Variants in GRM8 observed in about 807,000 individuals in gnomAD.
GRM8 encodes the protein glutamate metabotropic receptor 8, also known as metabotropic glutamate receptor 8.
GRM8 carries 47 observed loss-of-function variants against 87.2 expected under a neutral mutation model. The observed-to-expected ratio is 0.54, with a 90% CI of 0.43 to 0.69. The LOEUF (loss-of-function observed/expected upper bound fraction) is 0.69. Among genes scored for constraint, GRM8 ranks in the 30% least tolerant of loss-of-function variants. The pLI is 0.00. For missense variants in GRM8, 1,019 were observed against 1,139.2 expected, an observed-to-expected ratio of 0.89 and a Z score of 1.52; for synonymous variants, 396 against 404.5, an observed-to-expected ratio of 0.98 and a Z score of 0.25.
intron 8 of GRM8, among the ~76,000 whole-genome samples, chr7:126,574,354 G>A (rs1370943095): frequency 6.6e-6 from 1 of 152,202 alleles, no homozygotes; most frequent in Non-Finnish European, 1.5e-5. Flanking sequence ...ACAGCTCTTA[G>A]ATAACCTTAG....
At chr7:126,995,651 T>C (rs1003349029) in intron 3 of GRM8, among the ~76,000 whole-genome samples, 3 of 152,088 alleles carry the variant, frequency 2.0e-5, no homozygotes, top group Non-Finnish European at 4.4e-5. Flanking sequence ...GGCTCCTTGG[T>C]AATATACTGT....
At chr7:126,442,226 G>GGTTCA (rs1216285557) in intron 10 of GRM8, among the ~76,000 whole-genome samples, 1 of 151,908 alleles carries the variant, frequency 6.6e-6, no homozygotes, top group Non-Finnish European at 1.5e-5. Context: ...AACCATACAT[G>GGTTCA]AGACCTAATG....
intron 3 of GRM8, among the ~76,000 whole-genome samples, chr7:126,979,128 T>C (rs933404962): frequency 5.3e-5 from 8 of 152,182 alleles, no homozygotes; most frequent in African/African-American, 1.7e-4. Flanking sequence ...GCCAAACATC[T>C]GCTCCCACAT....
At chr7:126,489,202 G>C (rs913988012) in intron 9 of GRM8, among the ~76,000 whole-genome samples, 3 of 151,922 alleles carry the variant, frequency 2.0e-5, no homozygotes, top group African/African-American at 7.3e-5. Context: ...TCCCCGTTCT[G>C]ATATTTAAAT....
chr7:126,618,660 A>T (rs1000379408), intron 7 of GRM8, among the ~76,000 whole-genome samples: 4 of 152,160 alleles, frequency 2.6e-5, no homozygotes, highest in Admixed American at 1.3e-4. Context: ...CAATCTACAA[A>T]GAACTCAAAC....
chr7:126,982,231 C>T (rs976688405), intron 3 of GRM8, among the ~76,000 whole-genome samples: 9 of 152,106 alleles, frequency 5.9e-5, no homozygotes, highest in Non-Finnish European at 1.0e-4. Context: ...ATATTCTGGC[C>T]ATGCTGGCAG....
chr7:127,091,675 C>T (rs1227067983), intron 3 of GRM8, among the ~76,000 whole-genome samples: 1 of 130,806 alleles, frequency 7.6e-6, no homozygotes, highest in African/African-American at 2.9e-5. Flanking sequence ...CACTGATCAT[C>T]CTCCCATCCC....
intron 3 of GRM8, among the ~76,000 whole-genome samples, chr7:127,028,816 T>G (rs1343399555): frequency 6.6e-6 from 1 of 152,064 alleles, no homozygotes; most frequent in Non-Finnish European, 1.5e-5. Flanking sequence ...AGGGTTTTTT[T>G]TGTGTGTCTC....
intron 2 of GRM8, among the ~76,000 whole-genome samples, chr7:127,241,681 C>G (rs901857940): frequency 2.0e-5 from 3 of 152,108 alleles, no homozygotes; most frequent in Non-Finnish European, 4.4e-5. Context: ...ATGATCCGCC[C>G]GCCTTGGCCT....
chr7:126,535,154 C>T (rs947958009), intron 8 of GRM8, among the ~76,000 whole-genome samples: 2 of 152,180 alleles, frequency 1.3e-5, no homozygotes, highest in African/African-American at 4.8e-5. Flanking sequence ...TCCACCGTGG[C>T]CCCCAATAAC....
At chr7:126,897,563 C>T (rs1197350713) in intron 6 of GRM8, among the ~76,000 whole-genome samples, 1 of 150,686 alleles carries the variant, frequency 6.6e-6, no homozygotes, top group Non-Finnish European at 1.5e-5. Flanking sequence ...CCTGAGAGTA[C>T]AATGAGGGAG....
At chr7:126,769,592 T>C (rs1010717035) in intron 7 of GRM8, among the ~76,000 whole-genome samples, 2 of 152,158 alleles carry the variant, frequency 1.3e-5, no homozygotes, top group Admixed American at 1.3e-4. Flanking sequence ...ATAAGCCTTC[T>C]AAGTGATCTC....
At chr7:126,604,300 C>A (rs555854807) in intron 8 of GRM8, among the ~76,000 whole-genome samples, 86 of 152,152 alleles carry the variant, frequency 5.7e-4, no homozygotes, top group African/African-American at 1.8e-3. Flanking sequence ...AATATCAAAA[C>A]AAATACTTTG....
chr7:127,026,722 G>A (rs1816817475), intron 3 of GRM8, among the ~76,000 whole-genome samples: 1 of 152,042 alleles, frequency 6.6e-6, no homozygotes, highest in Non-Finnish European at 1.5e-5. Context: ...TAAGTTCTTT[G>A]TAGATTCTGG....
intron 7 of GRM8, among the ~76,000 whole-genome samples, chr7:126,627,728 T>C (rs1800843566): frequency 6.6e-6 from 1 of 152,202 alleles, no homozygotes; most frequent in Non-Finnish European, 1.5e-5. Flanking sequence ...ATATTCTAAA[T>C]GAACTAATAT....
At chr7:126,823,056 T>C (rs1250565654) in intron 6 of GRM8, among the ~76,000 whole-genome samples, 1 of 152,200 alleles carries the variant, frequency 6.6e-6, no homozygotes, top group Non-Finnish European at 1.5e-5. Context: ...CCAAACCTAC[T>C]AAGCCACTTA....
chr7:126,534,739 C>T lies in GRM8; in HGVS notation c.1495-852G>A, dbSNP rs75804325. ...TCATTGATCTCTTACCTTTAATTTG[C>T]TTTTCTTATTAGACACAGTAATTTT... On this transcript the variant is annotated intron_variant, in intron 8 of 10. Transcript: ENST00000339582. Among the ~76,000 whole-genome samples, 345 of 152,286 alleles carry T rather than the reference C, an allele frequency of 2.3e-3. 1 individual carries two copies. The highest frequency in any genetic ancestry group is 3.6e-3 in the Non-Finnish European group (247 of 68,020).
intron 6 of GRM8, among the ~76,000 whole-genome samples, chr7:126,838,330 T>C (rs998325342): frequency 1.3e-4 from 20 of 152,326 alleles, no homozygotes; most frequent in African/African-American, 2.6e-4. Flanking sequence ...TCCAGTGACA[T>C]AGCCAAGTAC....
chr7:126,657,291 G>C (rs1804631910), intron 7 of GRM8, among the ~76,000 whole-genome samples: 2 of 151,744 alleles, frequency 1.3e-5, no homozygotes, highest in South Asian at 4.2e-4. Context: ...TTACTTGCTT[G>C]ACATTAAATA....
Sources: gnomAD v4.1 joint callset for allele counts (sites outside exome capture counted in the v4.1 genomes callset) on GRCh38, gnomAD v4.1.1 for gene constraint, MANE v1.5 for transcripts, NCBI Gene and HGNC (gene_info 2026-07-23, HGNC 2026-07-21) for gene names.